Variants in SUMF1 observed in about 807,000 individuals in gnomAD.
SUMF1 encodes the protein sulfatase modifying factor 1.
SUMF1 carries 48 observed loss-of-function variants against 47.6 expected under a neutral mutation model. The observed-to-expected ratio is 1.01, with a 90% CI of 0.80 to 1.28. SUMF1 has a LOEUF of 1.28. Among genes scored for constraint, SUMF1 ranks in the 50% most tolerant of loss-of-function variants. The pLI, the probability that SUMF1 is intolerant of heterozygous loss-of-function variation, is 0.00. For synonymous variants in SUMF1, 230 were observed against 192.1 expected (o/e 1.20, Z -1.63); for missense variants, 571 against 485.4 (o/e 1.18, Z -1.66).
intron 8 of SUMF1, among the ~76,000 whole-genome samples, chr3:4,354,992 G>A (rs1324793940): frequency 6.6e-6 from 1 of 152,192 alleles, no homozygotes; most frequent in African/African-American, 2.4e-5. Context: ...ATGTGGTGGT[G>A]CAGGGATATG....
chr3:4,165,785 T>A (rs1232081443), intron 8 of SUMF1, among the ~76,000 whole-genome samples: 1 of 150,288 alleles, frequency 6.7e-6, no homozygotes, highest in African/African-American at 2.4e-5. Context: ...TTAGGATGCA[T>A]TTCAAGGGTG....
intron 8 of SUMF1, among the ~76,000 whole-genome samples, chr3:4,174,003 T>A (rs542224368): frequency 6.6e-6 from 1 of 152,190 alleles, no homozygotes; most frequent in South Asian, 2.1e-4. Context: ...ATTCTGCACA[T>A]GTATCTGCAC....
intron 8 of SUMF1, among the ~76,000 whole-genome samples, chr3:4,213,950 C>T (rs968170936): frequency 6.6e-6 from 1 of 152,080 alleles, no homozygotes; most frequent in Non-Finnish European, 1.5e-5. Context: ...GACTTCCACA[C>T]GATAATGATG....
chr3:4,091,282 C>T (rs1692781109), intron 8 of SUMF1, among the ~76,000 whole-genome samples: 1 of 152,036 alleles, frequency 6.6e-6, no homozygotes, highest in Non-Finnish European at 1.5e-5. Context: ...ACTGTGGTAT[C>T]TTCCCAAAAG....
chr3:4,428,696 T>C (rs1263412386), intron 3 of SUMF1, among the ~76,000 whole-genome samples: 2 of 126,214 alleles, frequency 1.6e-5, no homozygotes, highest in African/African-American at 5.5e-5. Flanking sequence ...GCGAACATAT[T>C]TTTTATTCAT....
chr3:4,161,935 TCA>T (rs758841331), intron 8 of SUMF1, among the ~76,000 whole-genome samples: 3 of 152,014 alleles, frequency 2.0e-5, no homozygotes, highest in East Asian at 3.9e-4. Context: ...CCAGCACATC[TCA>T]GAGTTTCACC....
At chr3:4,163,987 CACTGGCT>C (rs1694642556) in intron 8 of SUMF1, among the ~76,000 whole-genome samples, 2 of 152,246 alleles carry the variant, frequency 1.3e-5, no homozygotes, top group South Asian at 2.1e-4. Context: ...CTGTTAGAAC[CACTGGCT>C]ATTTGATGAA....
At position 4,421,859 on chromosome 3, in the gene SUMF1, C is replaced by G. The variant is rs1441191670; in HGVS notation, c.520-1713G>C. Reference sequence around the variant, plus strand: ...AGGTTATCCCCACAACAATGTTACTCTTTGATTGTTTTCATCCTTTTGAGC... The same window carrying G: ...AGGTTATCCCCACAACAATGTTACTGTTTGATTGTTTTCATCCTTTTGAGC... On this transcript the variant is annotated intron_variant, in intron 3 of 8. Transcript: ENST00000272902. Among the ~76,000 whole-genome samples the G allele has an allele frequency of 2.6e-5, 4 of 152,172 alleles. No homozygotes were observed. In the East Asian group the frequency reaches 7.7e-4, roughly 29 times the overall value.
At chr3:4,462,019 T>C (rs1299656070) in intron 1 of SUMF1, among the ~76,000 whole-genome samples, 2 of 152,234 alleles carry the variant, frequency 1.3e-5, no homozygotes, top group East Asian at 1.9e-4. Context: ...CTATTATTCA[T>C]TGGAATAACA....
At chr3:4,165,952 TC>T (rs1694697392) in intron 8 of SUMF1, among the ~76,000 whole-genome samples, 1 of 145,256 alleles carries the variant, frequency 6.9e-6, no homozygotes. Flanking sequence ...CAGATCCCCC[TC>T]TTGCCCAAGA....
intron 8 of SUMF1, among the ~76,000 whole-genome samples, chr3:4,306,285 T>C (rs67779244): frequency 0.24 from 35,869 of 152,118 alleles, 5,869 homozygotes; most frequent in African/African-American, 0.47. Flanking sequence ...GTTAAATTAT[T>C]TAAAAATAAA....
At chr3:4,323,046 A>G (rs559805408) in intron 8 of SUMF1, among the ~76,000 whole-genome samples, 5 of 152,230 alleles carry the variant, frequency 3.3e-5, no homozygotes, top group Non-Finnish European at 7.3e-5. Flanking sequence ...AATATTATTT[A>G]GCCATAAAAG....
chr3:4,167,368 G>A (rs758693402), intron 8 of SUMF1, among the ~76,000 whole-genome samples: 2 of 152,038 alleles, frequency 1.3e-5, no homozygotes, highest in African/African-American at 2.4e-5. Context: ...TCCTCCCTGT[G>A]ACTGGCTACT....
chr3:4,078,490 T>C (rs1035862109), intron 8 of SUMF1, among the ~76,000 whole-genome samples: 4 of 152,110 alleles, frequency 2.6e-5, no homozygotes, highest in African/African-American at 9.7e-5. Context: ...TATGTTAGAG[T>C]AGGAGCCTCT....
chr3:4,456,594 G>A (rs1233888760), intron 1 of SUMF1, among the ~76,000 whole-genome samples: 3 of 140,734 alleles, frequency 2.1e-5, no homozygotes, highest in Admixed American at 7.2e-5. Flanking sequence ...TGGGAGTACA[G>A]GCACCCGCCA....
At chr3:4,429,745 G>A (rs891645490) in intron 3 of SUMF1, among the ~76,000 whole-genome samples, 3 of 151,960 alleles carry the variant, frequency 2.0e-5, no homozygotes, top group East Asian at 1.9e-4. Context: ...CCCTTCAAAC[G>A]ACAGGCTGGT....
chr3:4,283,745 G>A (rs918589038), intron 8 of SUMF1, among the ~76,000 whole-genome samples: 3 of 152,190 alleles, frequency 2.0e-5, no homozygotes, highest in Non-Finnish European at 2.9e-5. Context: ...ATAGAATACT[G>A]TAGACTGGGT....
chr3:4,432,691 A>T (rs759280830), intron 3 of SUMF1, among the ~76,000 whole-genome samples: 6 of 152,180 alleles, frequency 3.9e-5, no homozygotes, highest in Non-Finnish European at 7.3e-5. Flanking sequence ...TCTATCCATT[A>T]TTCTGTTTTA....
chr3:4,266,365 T>A (rs568735764), intron 8 of SUMF1, among the ~76,000 whole-genome samples: 95 of 152,336 alleles, frequency 6.2e-4, no homozygotes, highest in Non-Finnish European at 1.1e-3. Flanking sequence ...CCCATGAGCA[T>A]GGAATGTTCT....
Sources: allele counts gnomAD v4.1 joint callset (sites outside exome capture counted in the v4.1 genomes callset), GRCh38; gene constraint gnomAD v4.1.1; transcripts MANE v1.5; gene names NCBI Gene and HGNC (gene_info 2026-07-23, HGNC 2026-07-21).